Variants in LRRC37B observed in about 807,000 individuals in gnomAD.
LRRC37B encodes the protein leucine-rich repeat-containing protein 37B.
In LRRC37B, 28 loss-of-function variants were observed where a neutral mutation model predicts 98.3. The observed-to-expected ratio is 0.28, with a 90% CI of 0.21 to 0.39. The LOEUF is 0.39. Among genes scored for constraint, LRRC37B ranks in the 10% least tolerant of loss-of-function variants. The pLI is 1.00. For missense variants in LRRC37B, 938 were observed against 1,182.7 expected, an observed-to-expected ratio of 0.79 and a Z score of 3.03; for synonymous variants, 364 against 442.7, an observed-to-expected ratio of 0.82 and a Z score of 2.23.
intron 1 of LRRC37B, among the ~76,000 whole-genome samples, chr17:32,008,615 G>A (rs1442972358): frequency 6.6e-6 from 1 of 152,136 alleles, no homozygotes; most frequent in Admixed American, 6.5e-5. Flanking sequence ...TACAGATTGT[G>A]GCACACAGAC....
chr17:32,007,917 G>T, upstream of LRRC37B: 1 of 684,368 alleles, frequency 1.5e-6, no homozygotes, highest in South Asian at 6.6e-5. This position sits in a 1 kb window ranked among gnomAD's most constrained non-coding sequence, Gnocchi z 4.1. Context: ...ACCGCAGCCC[G>T]GAGGGCTGTC....
At chr17:32,022,583 G>T (rs1910831635) in exon 1 of LRRC37B, 1 of 1,614,010 alleles carries the variant, frequency 6.2e-7, no homozygotes, top group Non-Finnish European at 8.5e-7. Flanking sequence ...ACCAGGTTCA[G>T]ACTCTGCATC....
At position 32,021,830 on chromosome 17, in the gene LRRC37B, T is replaced by C. The variant is rs748152522; in HGVS notation, c.765T>C (p.Ser255=). The C allele has an allele frequency of 2.5e-6, 4 of 1,614,110 alleles. No individual in the cohort carries two copies. In the East Asian group the frequency reaches 8.9e-5, roughly 36 times the overall value. Residue 255 remains serine, a synonymous_variant, in exon 1 of 12, where the codon AGT becomes AGC. Coordinates refer to ENST00000327564, the Ensembl canonical transcript of LRRC37B. ...AGACTTTGCCAGATGATTATTTGAG[T>C]ATGGACACACTGTATCCCGGCAGCC...
intron 11 of LRRC37B, chr17:32,052,149 G>A (rs1191318674): frequency 6.6e-6 from 1 of 151,418 alleles, no homozygotes; most frequent in African/African-American, 2.4e-5. Context: ...TGACAGTTTT[G>A]TCTCTTCCTT....
At chr17:32,008,242 A>AC (rs1910456198) in intron 1 of LRRC37B, 110 bp downstream of exon 1, 2 of 180,468 alleles carry the variant, frequency 1.1e-5, no homozygotes, top group South Asian at 3.7e-4. Flanking sequence ...AACCCCGCCG[A>AC]CCCCTAAACT....
intron 7 of LRRC37B, among the ~76,000 whole-genome samples, chr17:32,039,775 T>C (rs1911373928): frequency 6.6e-6 from 1 of 151,230 alleles, no homozygotes; most frequent in South Asian, 2.1e-4. Context: ...GGCCCTTCAT[T>C]TGGCACTCTG....
chr17:32,024,370 A>G (rs1328261926), intron 1 of LRRC37B: 7 of 585,994 alleles, frequency 1.2e-5, no homozygotes, highest in Non-Finnish European at 1.9e-5. Flanking sequence ...TTTCTGTTGA[A>G]TTATTTACCA....
intron 9 of LRRC37B, among the ~76,000 whole-genome samples, chr17:32,048,729 C>T (rs1243488614): frequency 1.3e-5 from 2 of 152,156 alleles, no homozygotes; most frequent in Admixed American, 6.5e-5. Context: ...CTCAACAGAC[C>T]GATGCTCGCA....
chr17:32,018,690 C>G (rs1046379723), upstream of LRRC37B, among the ~76,000 whole-genome samples: 9 of 152,236 alleles, frequency 5.9e-5, no homozygotes, highest in African/African-American at 2.2e-4. Flanking sequence ...TGTAACTGGC[C>G]TTAAGACTGA....
At chr17:32,021,981 T>G in exon 1 of LRRC37B, 1 of 1,614,062 alleles carries the variant, frequency 6.2e-7, no homozygotes, top group Non-Finnish European at 8.5e-7. Flanking sequence ...CCAGTCCTCT[T>G]CACTCCAGGA....
At chr17:32,047,500 C>T (rs1251867410) in intron 8 of LRRC37B, 2 of 484,792 alleles carry the variant, frequency 4.1e-6, no homozygotes, top group South Asian at 2.1e-5. Flanking sequence ...GCAATTGGCC[C>T]CTGGGGATCA....
chr17:32,010,753 T>C (rs1335648889), intron 1 of LRRC37B, among the ~76,000 whole-genome samples: 2 of 152,212 alleles, frequency 1.3e-5, no homozygotes, highest in African/African-American at 4.8e-5. Flanking sequence ...TATCTGACTG[T>C]GCTTTTATGC....
chr17:32,022,341 C>T, exon 1 of LRRC37B: 1 of 1,613,952 alleles, frequency 6.2e-7, no homozygotes, highest in Non-Finnish European at 8.5e-7. Flanking sequence ...GGTGACACTT[C>T]CACCTTCAGA....
intron 11 of LRRC37B, among the ~76,000 whole-genome samples, chr17:32,050,737 C>T (rs553357111): frequency 2.4e-4 from 37 of 152,026 alleles, no homozygotes; most frequent in African/African-American, 8.4e-4. Flanking sequence ...AGATGTGTCA[C>T]CATTTCTTGG....
At chr17:32,018,902 C>A (rs1910703245), upstream of LRRC37B, among the ~76,000 whole-genome samples, 2 of 151,992 alleles carry the variant, frequency 1.3e-5, no homozygotes, top group South Asian at 4.2e-4. Context: ...TAAAGGAGCT[C>A]TCCCTACACA....
intron 7 of LRRC37B, chr17:32,040,511 G>A (rs1183761562): frequency 4.3e-6 from 3 of 704,054 alleles, no homozygotes; most frequent in Non-Finnish European, 7.9e-6. Flanking sequence ...GGGGCTGAGG[G>A]GACCAAGCTG....
At chr17:32,020,029 G>C (rs1230959780), upstream of LRRC37B, among the ~76,000 whole-genome samples, 1 of 152,094 alleles carries the variant, frequency 6.6e-6, no homozygotes, top group Admixed American at 6.6e-5. Flanking sequence ...ATTTTTAGTA[G>C]AGACGGAGTT....
At position 32,041,750 on chromosome 17, in the gene LRRC37B, T is replaced by C. The variant is rs1357261848; in HGVS notation, c.2205-3950T>C. On this transcript the variant is annotated intron_variant, in intron 7 of 11. Coordinates refer to ENST00000327564, the Ensembl canonical transcript of LRRC37B. ...TTAAACTAGCGCTGACCCCTAACGG[T>C]GACGGCTCCCTTCCTCACTCCATGG... 115 of 457,624 alleles carry C rather than the reference T, an allele frequency of 2.5e-4. 1 individual carries two copies. In the Admixed American group the frequency reaches 2.7e-3, roughly 11 times the overall value. The allele number at this position is 457,624 out of a possible 1,614,324, so 28.3% of individuals were successfully genotyped here.
intron 5 of LRRC37B, among the ~76,000 whole-genome samples, chr17:32,031,968 A>G (rs1472614531): frequency 4.0e-5 from 6 of 150,210 alleles, no homozygotes; most frequent in Non-Finnish European, 5.9e-5. Flanking sequence ...TCTGCATATG[A>G]GCAGGAATCA....
Sources: gnomAD v4.1 joint callset for allele counts (sites outside exome capture counted in the v4.1 genomes callset) on GRCh38, gnomAD v4.1.1 for gene constraint, Gnocchi (gnomAD v3.1) non-coding constraint, MANE v1.5 for transcripts, NCBI Gene and HGNC (gene_info 2026-07-23, HGNC 2026-07-21) for gene names.